RGS7BP: variants seen among roughly 807,000 people sequenced by gnomAD.
The protein encoded by RGS7BP is regulator of G protein signaling 7 binding protein, also known as regulator of G protein signaling 7-binding protein.
RGS7BP carries 9 observed loss-of-function variants against 31.3 expected under a neutral mutation model. The observed-to-expected ratio is 0.29, with a 90% CI of 0.17 to 0.50. The LOEUF (loss-of-function observed/expected upper bound fraction) is 0.50. RGS7BP is among the 20% of genes least tolerant of loss of function. The pLI, the probability that RGS7BP is intolerant of heterozygous loss-of-function variation, is 0.98. For missense variants in RGS7BP, 274 were observed against 322.0 expected, an observed-to-expected ratio of 0.85 and a Z score of 1.14; for synonymous variants, 115 against 120.1, an observed-to-expected ratio of 0.96 and a Z score of 0.28.
intron 2 of RGS7BP, among the ~76,000 whole-genome samples, chr5:64,547,106 A>C (rs1741676819): frequency 6.6e-6 from 1 of 152,188 alleles, no homozygotes; most frequent in Non-Finnish European, 1.5e-5. Flanking sequence ...ATTTCATTGT[A>C]TATATGTGTT....
chr5:64,603,378 G>T (rs536203495), intron 5 of RGS7BP, among the ~76,000 whole-genome samples: 3 of 152,162 alleles, frequency 2.0e-5, no homozygotes, highest in African/African-American at 7.2e-5. Context: ...GAACTTTCTG[G>T]AGCAGTGCTC....
intron 2 of RGS7BP, among the ~76,000 whole-genome samples, chr5:64,540,110 A>T (rs938092233): frequency 6.6e-6 from 1 of 152,178 alleles, no homozygotes; most frequent in East Asian, 1.9e-4. Flanking sequence ...CATTGATTAT[A>T]TTTTGATATT....
At chr5:64,580,271 T>A (rs1742555161) in intron 3 of RGS7BP, among the ~76,000 whole-genome samples, 1 of 152,168 alleles carries the variant, frequency 6.6e-6, no homozygotes, top group South Asian at 2.1e-4. Flanking sequence ...GAAGCCTTAC[T>A]GCCTATAAGA....
chr5:64,512,277 G>C (rs1458569506), intron 2 of RGS7BP, among the ~76,000 whole-genome samples: 1 of 152,224 alleles, frequency 6.6e-6, no homozygotes, highest in Non-Finnish European at 1.5e-5. Context: ...AGAGACAGTA[G>C]AGTGTGATGG....
At chr5:64,579,152 A>G (rs1334652170) in intron 3 of RGS7BP, among the ~76,000 whole-genome samples, 1 of 152,144 alleles carries the variant, frequency 6.6e-6, no homozygotes, top group African/African-American at 2.4e-5. Flanking sequence ...TTCTCTTGGT[A>G]CCAGTAGAGT....
chr5:64,571,981 CT>C (rs2111889637), intron 2 of RGS7BP, among the ~76,000 whole-genome samples: 1 of 152,216 alleles, frequency 6.6e-6, no homozygotes, highest in African/African-American at 2.4e-5. Flanking sequence ...TAATCACAAT[CT>C]AGTCGCTAAC....
chr5:64,525,163 G>A (rs1307266746), intron 2 of RGS7BP, among the ~76,000 whole-genome samples: 5 of 151,860 alleles, frequency 3.3e-5, no homozygotes, highest in African/African-American at 9.7e-5. Flanking sequence ...TCCCTCCTCC[G>A]GGGATGAAAT....
At chr5:64,585,692 C>A (rs1446550600) in intron 3 of RGS7BP, among the ~76,000 whole-genome samples, 1 of 152,126 alleles carries the variant, frequency 6.6e-6, no homozygotes, top group African/African-American at 2.4e-5. Flanking sequence ...AATAACCAAC[C>A]TTTCAATTTG....
intron 3 of RGS7BP, among the ~76,000 whole-genome samples, chr5:64,593,476 T>C (rs1742974235): frequency 6.6e-6 from 1 of 152,212 alleles, no homozygotes; most frequent in South Asian, 2.1e-4. Flanking sequence ...ATATAGCCAC[T>C]ACCTCATGAA....
intron 2 of RGS7BP, among the ~76,000 whole-genome samples, chr5:64,574,912 T>C (rs1202940630): frequency 6.6e-6 from 1 of 152,200 alleles, no homozygotes; most frequent in Admixed American, 6.5e-5. Context: ...TAGAGTTCAC[T>C]TTTAGGCTTT....
chr5:64,530,731 T>C (rs1252355448), intron 2 of RGS7BP, among the ~76,000 whole-genome samples: 1 of 152,182 alleles, frequency 6.6e-6, no homozygotes, highest in East Asian at 1.9e-4. Context: ...TATTAATCAG[T>C]AATTCAGGAG....
chr5:64,506,598 C>A lies in RGS7BP; in HGVS notation c.-27C>A, dbSNP rs754862368. ...CCCGCGCCGGGGCGCACTGCACCAG[C>A]GGCTTCGGCTTGGTGGATGTGTATG... On this transcript the variant is annotated 5_prime_UTR_variant, in exon 1 of 6. Transcript: ENST00000334025. The surrounding 1 kb of genome is among the most constrained non-coding windows in gnomAD (Gnocchi z 4.6). The A allele has an allele frequency of 1.1e-5, 18 of 1,566,136 alleles. No individual in the cohort carries two copies. In the Admixed American group the frequency reaches 1.6e-4, roughly 14 times the overall value.
chr5:64,592,732 C>G (rs796094019), intron 3 of RGS7BP, among the ~76,000 whole-genome samples: 66 of 152,268 alleles, frequency 4.3e-4, no homozygotes, highest in African/African-American at 1.5e-3. Flanking sequence ...TTCTTCCCCT[C>G]CTCCTCTGTG....
chr5:64,552,340 T>A (rs1741816839), intron 2 of RGS7BP, among the ~76,000 whole-genome samples: 1 of 152,220 alleles, frequency 6.6e-6, no homozygotes, highest in East Asian at 1.9e-4. Flanking sequence ...AAGTCAGTAA[T>A]ATTTTCTAAA....
chr5:64,602,242 T>TCCTTC (rs1215792169), intron 5 of RGS7BP, among the ~76,000 whole-genome samples: 1 of 152,190 alleles, frequency 6.6e-6, no homozygotes, highest in Non-Finnish European at 1.5e-5. Flanking sequence ...ACCTTTTAGG[T>TCCTTC]CCTTCCCCCA....
intron 2 of RGS7BP, among the ~76,000 whole-genome samples, chr5:64,524,477 AAC>A (rs1333410418): frequency 6.6e-6 from 1 of 152,166 alleles, no homozygotes; most frequent in Non-Finnish European, 1.5e-5. Flanking sequence ...TCATATGACT[AAC>A]ACAGAGTTTC....
rs552303026 is a variant in RGS7BP, at chr5:64,590,734, T to C, written c.464-3976T>C. Among the ~76,000 whole-genome samples, 10 of 151,862 alleles carry C rather than the reference T, an allele frequency of 6.6e-5. No homozygotes were observed. The East Asian group carries it at 1.9e-3, about 29-fold the overall frequency. On this transcript the variant is annotated intron_variant, in intron 3 of 5. Transcript: ENST00000334025. ...GTGAAGGAGAACTTTCTGTACTGAA[T>C]ACTAAAAACATAATAATTAAAATAT...
At chr5:64,543,095 A>C (rs1433171692) in intron 2 of RGS7BP, among the ~76,000 whole-genome samples, 1 of 152,222 alleles carries the variant, frequency 6.6e-6, no homozygotes, top group African/African-American at 2.4e-5. Context: ...TATATACAGG[A>C]ATCTATCTAC....
intron 2 of RGS7BP, among the ~76,000 whole-genome samples, chr5:64,528,511 C>T (rs957996807): frequency 6.6e-6 from 1 of 151,960 alleles, no homozygotes. Flanking sequence ...GAGTTTCCAC[C>T]CCTGAAAAAG....
Sources: allele counts gnomAD v4.1 joint callset (sites outside exome capture counted in the v4.1 genomes callset), GRCh38; gene constraint gnomAD v4.1.1; non-coding constraint Gnocchi (gnomAD v3.1); transcripts MANE v1.5; gene names NCBI Gene and HGNC (gene_info 2026-07-23, HGNC 2026-07-21).